GRIN2A: variants seen among roughly 807,000 people sequenced by gnomAD.
GRIN2A encodes glutamate receptor ionotropic, NMDA 2A.
Under a neutral mutation model 113.4 loss-of-function variants are expected in GRIN2A, and 22 were observed. The ratio of observed to expected loss-of-function variants is 0.19; its 90% CI spans 0.14 to 0.28. The LOEUF is 0.28. Among genes scored for constraint, GRIN2A ranks in the 10% least tolerant of loss-of-function variants. The pLI, the probability that GRIN2A is intolerant of heterozygous loss-of-function variation, is 1.00. For synonymous variants in GRIN2A, 827 were observed against 738.4 expected, an observed-to-expected ratio of 1.12 and a Z score of -1.94; for missense variants, 1,502 against 1,887.0, an observed-to-expected ratio of 0.80 and a Z score of 3.78.
chr16:9,865,476 G>A (rs192073928), intron 4 of GRIN2A, among the ~76,000 whole-genome samples: 5 of 152,114 alleles, frequency 3.3e-5, no homozygotes, highest in East Asian at 1.9e-4. Context: ...TAAAAGAACC[G>A]TGCATTTGGA....
At chr16:9,902,721 A>G (rs959477268) in intron 3 of GRIN2A, among the ~76,000 whole-genome samples, 6 of 151,716 alleles carry the variant, frequency 4.0e-5, no homozygotes, top group Non-Finnish European at 8.8e-5. Context: ...TTCCAACTCT[A>G]CAATATTTAA....
chr16:9,795,206 T>C (rs140591883), intron 11 of GRIN2A, among the ~76,000 whole-genome samples: 6 of 152,170 alleles, frequency 3.9e-5, no homozygotes, highest in African/African-American at 1.4e-4. Flanking sequence ...GCAAAAGATA[T>C]AGATCATAAA....
At chr16:9,792,740 C>T (rs1449550676) in intron 11 of GRIN2A, among the ~76,000 whole-genome samples, 2 of 151,884 alleles carry the variant, frequency 1.3e-5, no homozygotes, top group Non-Finnish European at 2.9e-5. Context: ...AAAATAAATC[C>T]ACAACCATTA....
At chr16:9,964,534 T>TAA (rs1319502089) in intron 2 of GRIN2A, among the ~76,000 whole-genome samples, 1 of 152,230 alleles carries the variant, frequency 6.6e-6, no homozygotes, top group Non-Finnish European at 1.5e-5. Context: ...CTCGCTGGAC[T>TAA]AAAATCAAGG....
chr16:10,063,541 A>C (rs546291176), intron 2 of GRIN2A, among the ~76,000 whole-genome samples: 32 of 152,338 alleles, frequency 2.1e-4, no homozygotes, highest in African/African-American at 7.2e-4. Context: ...GAAGGAAATA[A>C]AATTCTTACT....
intron 2 of GRIN2A, among the ~76,000 whole-genome samples, chr16:10,015,273 A>AAAAAG (rs2046586627): frequency 2.2e-4 from 24 of 107,210 alleles, no homozygotes; most frequent in African/African-American, 3.3e-4. Context: ...AAAAAAAAAG[A>AAAAAG]AAAAAAAAAA....
At chr16:10,107,046 T>C (rs998010506) in intron 2 of GRIN2A, among the ~76,000 whole-genome samples, 3 of 152,100 alleles carry the variant, frequency 2.0e-5, no homozygotes, top group Admixed American at 2.0e-4. Flanking sequence ...AATTCAGAAA[T>C]CTTTACCCCT....
chr16:9,946,667 G>A (rs778916884), intron 2 of GRIN2A, among the ~76,000 whole-genome samples: 1 of 152,124 alleles, frequency 6.6e-6, no homozygotes, highest in Non-Finnish European at 1.5e-5. Context: ...TAATTCGGGG[G>A]TGGAACATTT....
chr16:10,081,729 G>A (rs1379259762), intron 2 of GRIN2A, among the ~76,000 whole-genome samples: 1 of 152,140 alleles, frequency 6.6e-6, no homozygotes, highest in African/African-American at 2.4e-5. Context: ...CAAGCTTTTT[G>A]GAGTCTCTCC....
At chr16:10,045,623 G>A (rs1407713957) in intron 2 of GRIN2A, among the ~76,000 whole-genome samples, 2 of 152,178 alleles carry the variant, frequency 1.3e-5, no homozygotes, top group African/African-American at 4.8e-5. Context: ...CAGACCAATG[G>A]CCCATTCTGG....
At chr16:9,998,719 G>T (rs2046269236) in intron 2 of GRIN2A, among the ~76,000 whole-genome samples, 1 of 151,868 alleles carries the variant, frequency 6.6e-6, no homozygotes, top group South Asian at 2.1e-4. Flanking sequence ...TTCAGAATCA[G>T]TCTCACTCTT....
intron 2 of GRIN2A, among the ~76,000 whole-genome samples, chr16:10,101,940 G>T (rs77428777): frequency 3.9e-5 from 6 of 152,212 alleles, no homozygotes; most frequent in East Asian, 3.9e-4. Context: ...GTGTAGGCAA[G>T]GGTGACAGGA....
chr16:9,778,668 A>C (rs1901754818), intron 11 of GRIN2A, among the ~76,000 whole-genome samples: 1 of 152,236 alleles, frequency 6.6e-6, no homozygotes, highest in South Asian at 2.1e-4. Context: ...GGGTGTTTAC[A>C]CGTGCCTTTC....
intron 4 of GRIN2A, among the ~76,000 whole-genome samples, chr16:9,877,488 C>T (rs910114736): frequency 4.6e-5 from 7 of 152,022 alleles, no homozygotes; most frequent in African/African-American, 1.7e-4. Context: ...ACCCAGAGAC[C>T]CTGGTGGCAC....
intron 2 of GRIN2A, among the ~76,000 whole-genome samples, chr16:10,138,276 G>A (rs947818295): frequency 1.3e-5 from 2 of 152,208 alleles, no homozygotes; most frequent in Admixed American, 6.5e-5. Flanking sequence ...CTGTGAGACT[G>A]TATTGGTTCA....
Position 9,754,990 on chromosome 16 carries a change from T to C in GRIN2A, c.*8159A>G, listed in dbSNP as rs1317005122. The stretch of plus-strand genomic sequence containing the variant: ...AGGCAGCTGTGGTATTGGCTATGAG[T>C]TATGTTAATATCCTATTGAAGGTTC... On this transcript the variant is annotated 3_prime_UTR_variant, in exon 13 of 13. Coordinates refer to ENST00000330684, the MANE Select transcript of GRIN2A (RefSeq NM_001134407.3). 2 of 205,314 alleles carry C rather than the reference T, an allele frequency of 9.7e-6. No individual in the cohort carries two copies. Among genetic ancestry groups the C allele is most frequent in the East Asian group, 1.5e-4 (2 of 13,466 alleles). The allele number at this position is 205,314 out of a possible 1,614,324, so 12.7% of individuals were successfully genotyped here. A position where few individuals can be genotyped will look rare whatever the true frequency, so the allele number is the denominator to read the frequency against.
intron 10 of GRIN2A, among the ~76,000 whole-genome samples, chr16:9,799,662 C>A (rs541702034): frequency 6.6e-6 from 1 of 152,222 alleles, no homozygotes; most frequent in East Asian, 1.9e-4. Context: ...TGTTTTAATC[C>A]CGAAAATGTT....
intron 3 of GRIN2A, among the ~76,000 whole-genome samples, chr16:9,925,840 T>A (rs981973095): frequency 6.6e-6 from 1 of 152,158 alleles, no homozygotes; most frequent in African/African-American, 2.4e-5. Flanking sequence ...TATCTCCAAG[T>A]AGTTAGAATT....
intron 2 of GRIN2A, among the ~76,000 whole-genome samples, chr16:10,047,871 C>T (rs901698534): frequency 1.3e-5 from 2 of 152,200 alleles, no homozygotes; most frequent in African/African-American, 4.8e-5. Flanking sequence ...AGCTTACCTG[C>T]AGGGTTAACT....
Sources: allele counts gnomAD v4.1 joint callset (sites outside exome capture counted in the v4.1 genomes callset), GRCh38; gene constraint gnomAD v4.1.1; transcripts MANE v1.5; gene names NCBI Gene and HGNC (gene_info 2026-07-23, HGNC 2026-07-21).